The following NYAP2 variants were observed in gnomAD, a reference collection of about 807,000 sequenced individuals.
The protein encoded by NYAP2 is neuronal tyrosine-phosphorylated phosphoinositide-3-kinase adaptor 2.
A neutral mutation model predicts 50.4 loss-of-function variants in NYAP2; 23 were observed. The observed-to-expected ratio is 0.46, with a 90% CI of 0.33 to 0.65. The LOEUF (loss-of-function observed/expected upper bound fraction) is 0.65, where lower values mean the gene tolerates loss of function less well. Among genes scored for constraint, NYAP2 ranks in the 30% least tolerant of loss-of-function variants. NYAP2 has a pLI of 0.02. For synonymous variants in NYAP2, 394 were observed against 365.2 expected (o/e 1.08, Z -0.90); for missense variants, 885 against 861.0 (o/e 1.03, Z -0.35).
chr2:225,503,100 G>T (rs1055188654), intron 3 of NYAP2, among the ~76,000 whole-genome samples: 1 of 152,044 alleles, frequency 6.6e-6, no homozygotes, highest in Non-Finnish European at 1.5e-5. Flanking sequence ...TCTACTTCTA[G>T]GTTGAAAAAA....
chr2:225,501,306 C>T (rs1480905714), intron 3 of NYAP2, among the ~76,000 whole-genome samples: 8 of 152,176 alleles, frequency 5.3e-5, no homozygotes, highest in Non-Finnish European at 1.5e-5. Flanking sequence ...AGCCTCTTGA[C>T]TCTGGAATTC....
chr2:225,687,103 G>A, the NYAP2 span, among the ~76,000 whole-genome samples: 2 of 152,134 alleles, frequency 1.3e-5, no homozygotes, highest in Non-Finnish European at 2.9e-5. Flanking sequence ...TATTTAGCAT[G>A]TGATATATTT....
chr2:225,538,850 G>A (rs6436566), intron 4 of NYAP2, among the ~76,000 whole-genome samples: 1 of 55,202 alleles, frequency 1.8e-5, no homozygotes, highest in Admixed American at 2.0e-4. Context: ...TTCTTTCTTT[G>A]TTTTTATTAT....
the NYAP2 span, among the ~76,000 whole-genome samples, chr2:225,661,038 T>G: frequency 6.6e-6 from 1 of 152,218 alleles, no homozygotes; most frequent in African/African-American, 2.4e-5. Flanking sequence ...ATCCCTCTTT[T>G]GCCAACTGAA....
At chr2:225,456,501 G>A (rs1353955098) in intron 3 of NYAP2, among the ~76,000 whole-genome samples, 6 of 152,104 alleles carry the variant, frequency 3.9e-5, no homozygotes, top group Non-Finnish European at 7.4e-5. Context: ...GGTTTATTTT[G>A]GAGAATAAAC....
At chr2:225,695,442 TTTAC>T in the NYAP2 span, among the ~76,000 whole-genome samples, 1 of 151,840 alleles carries the variant, frequency 6.6e-6, no homozygotes, top group Non-Finnish European at 1.5e-5. Flanking sequence ...CCCATAGTAT[TTTAC>T]TAAGAAGATT....
At chr2:225,626,883 T>C in intron 5 of NYAP2, 34 bp from the exon 6 acceptor site, 1 of 1,469,396 alleles carries the variant, frequency 6.8e-7, no homozygotes, top group Non-Finnish European at 9.3e-7. Context: ...ACTTTACTCT[T>C]GTTTAACAGA....
intron 4 of NYAP2, among the ~76,000 whole-genome samples, chr2:225,552,107 C>T (rs1476824911): frequency 6.6e-6 from 1 of 152,158 alleles, no homozygotes; most frequent in Non-Finnish European, 1.5e-5. Flanking sequence ...GCCACTGCAC[C>T]TGGCACTTCT....
At chr2:225,574,397 T>C (rs577916128) in intron 4 of NYAP2, among the ~76,000 whole-genome samples, 8 of 152,266 alleles carry the variant, frequency 5.3e-5, no homozygotes, top group Non-Finnish European at 1.0e-4. Flanking sequence ...GCAAAAAAGA[T>C]TGTTGATAAG....
At chr2:225,646,701 C>A (rs1212373025) in intron 6 of NYAP2, among the ~76,000 whole-genome samples, 1 of 152,140 alleles carries the variant, frequency 6.6e-6, no homozygotes, top group East Asian at 1.9e-4. Context: ...GAGTCATATT[C>A]CATGCTGGTA....
intron 6 of NYAP2, among the ~76,000 whole-genome samples, chr2:225,634,372 G>A (rs1336212513): frequency 6.6e-6 from 1 of 152,142 alleles, no homozygotes; most frequent in Non-Finnish European, 1.5e-5. Context: ...ACCAGTATGA[G>A]CTAAAGACTA....
At chr2:225,515,036 C>A (rs1452717711) in intron 4 of NYAP2, among the ~76,000 whole-genome samples, 1 of 152,170 alleles carries the variant, frequency 6.6e-6, no homozygotes, top group Non-Finnish European at 1.5e-5. Context: ...CCATCTCTCC[C>A]ATCATCTTTG....
chr2:225,604,233 A>G (rs1275258039), intron 5 of NYAP2, among the ~76,000 whole-genome samples: 1 of 152,172 alleles, frequency 6.6e-6, no homozygotes, highest in Non-Finnish European at 1.5e-5. Context: ...AGCTGAAAAC[A>G]TAGGAAACAA....
chr2:225,687,720 C>T, the NYAP2 span, among the ~76,000 whole-genome samples: 1 of 152,130 alleles, frequency 6.6e-6, no homozygotes, highest in African/African-American at 2.4e-5. Context: ...ATAGACTGTA[C>T]TTGAAATAAT....
chr2:225,417,123 A>G (rs1695138305), intron 3 of NYAP2, among the ~76,000 whole-genome samples: 1 of 152,164 alleles, frequency 6.6e-6, no homozygotes, highest in Non-Finnish European at 1.5e-5. Flanking sequence ...TTTCCAAAGA[A>G]CCCGTAAGAG....
In NYAP2 at chr2:225,626,536, C is replaced by G. The variant is rs562913679; in HGVS notation, c.1619-381C>G. On this transcript the variant is annotated intron_variant, in intron 5 of 6. Coordinates refer to ENST00000636099, the Ensembl canonical transcript of NYAP2. ...TTATACATTTGCCAAATAAAAGGCA[C>G]TAGGTGATGTTATCAGGAGCAGATT... 4.6e-5 allele frequency among the ~76,000 whole-genome samples: 7 copies of G among 152,252 alleles called. No homozygotes were observed. The South Asian group carries it at 1.0e-3, about 23-fold the overall frequency.
intron 4 of NYAP2, among the ~76,000 whole-genome samples, chr2:225,552,614 C>T (rs1691697972): frequency 6.6e-6 from 1 of 152,076 alleles, no homozygotes; most frequent in Non-Finnish European, 1.5e-5. Context: ...AGGAAGAGAC[C>T]CTGACCAGAA....
chr2:225,553,948 A>G (rs1400880577), intron 4 of NYAP2, among the ~76,000 whole-genome samples: 3 of 152,152 alleles, frequency 2.0e-5, no homozygotes, highest in South Asian at 2.1e-4. Flanking sequence ...TGAACTCGGG[A>G]AGCAGAGGTT....
chr2:225,455,912 C>T (rs1420819551), intron 3 of NYAP2, among the ~76,000 whole-genome samples: 2 of 152,070 alleles, frequency 1.3e-5, no homozygotes, highest in Admixed American at 6.6e-5. Flanking sequence ...ATAGACCTGC[C>T]GTTAGAAAAT....
Sources: gnomAD v4.1 joint callset for allele counts (sites outside exome capture counted in the v4.1 genomes callset) on GRCh38, gnomAD v4.1.1 for gene constraint, MANE v1.5 for transcripts, NCBI Gene and HGNC (gene_info 2026-07-23, HGNC 2026-07-21) for gene names.